MSH4: variants seen among roughly 807,000 people sequenced by gnomAD.
MSH4 encodes mutS homolog 4.
In MSH4, 106 loss-of-function variants were observed where a neutral mutation model predicts 113.7. The observed-to-expected ratio is 0.93, with a 90% CI of 0.80 to 1.10. The LOEUF (loss-of-function observed/expected upper bound fraction) is 1.10. MSH4 is among the 50% of genes least tolerant of loss of function. The probability of loss-of-function intolerance (pLI) is 0.00; values close to 1 mark genes in which losing one functional copy is unlikely to be tolerated. For missense variants in MSH4, 1,061 were observed against 1,093.7 expected, an observed-to-expected ratio of 0.97 and a Z score of 0.42; for synonymous variants, 368 against 380.2, an observed-to-expected ratio of 0.97 and a Z score of 0.37.
chr1:75,912,824 CAAG>C lies in MSH4; in HGVS notation c.2755_2757del (p.Lys919del), dbSNP rs766020971. 3 of 1,583,708 alleles carry C rather than the reference CAAG, an allele frequency of 1.9e-6. No homozygotes were observed. The highest frequency in any genetic ancestry group is 1.8e-5 in the Admixed American group (1 of 55,490). On this transcript the variant is annotated inframe_deletion, in exon 20 of 20. Coordinates refer to ENST00000263187, the MANE Select transcript of MSH4 (RefSeq NM_002440.4). ...GTTTACGAATATATTTAAGTAACCT[CAAG>C]AAGAAGTACAAAGAAGATTTTCCCA...
chr1:75,832,037 A>G (rs1013355894), intron 7 of MSH4, among the ~76,000 whole-genome samples: 9 of 152,212 alleles, frequency 5.9e-5, no homozygotes, highest in Non-Finnish European at 1.2e-4. Flanking sequence ...ATAGACCACT[A>G]GCAAGATTAA....
chr1:75,852,287 G>A (rs1424371391), intron 8 of MSH4, among the ~76,000 whole-genome samples: 1 of 152,082 alleles, frequency 6.6e-6, no homozygotes, highest in African/African-American at 2.4e-5. Flanking sequence ...TTTATCAGTT[G>A]ATGGCTATTT....
chr1:75,822,811 G>GTT (rs146516918), intron 7 of MSH4, among the ~76,000 whole-genome samples: 70 of 149,954 alleles, frequency 4.7e-4, no homozygotes, highest in South Asian at 2.3e-3. Flanking sequence ...ATTTTTTTCT[G>GTT]TTTTTTTTTG....
intron 19 of MSH4, among the ~76,000 whole-genome samples, chr1:75,905,656 C>T (rs1337905230): frequency 6.6e-6 from 1 of 152,004 alleles, no homozygotes; most frequent in East Asian, 1.9e-4. Context: ...GTTGAAGACC[C>T]CTACTAGTAT....
rs753758700 is a variant in MSH4, at chr1:75,803,846, T to C, written c.360T>C (p.Thr120=). 5 of 1,599,856 alleles carry C rather than the reference T, an allele frequency of 3.1e-6. No homozygotes were observed. Among genetic ancestry groups the C allele is most frequent in the Admixed American group, 3.5e-5 (2 of 57,630 alleles). Residue 120 remains threonine (T), a synonymous_variant, in exon 2 of 20, where the codon ACT becomes ACC. Coordinates refer to ENST00000263187, the MANE Select transcript of MSH4 (RefSeq NM_002440.4). ...RDTNYPQTLK[T]PLSTGNPQRS... ...CTAATTATCCTCAAACACTTAAAAC[T>C]CCATTGTCTACTGGAAATCCTCAGA...
chr1:75,799,847 T>A (rs1220690890), intron 1 of MSH4, among the ~76,000 whole-genome samples: 2 of 152,146 alleles, frequency 1.3e-5, no homozygotes, highest in Admixed American at 1.3e-4. Flanking sequence ...AAGCAAATTT[T>A]AGAGGGAAGA....
At chr1:75,851,129 ACAAT>A (rs1409529537) in intron 8 of MSH4, among the ~76,000 whole-genome samples, 4 of 152,138 alleles carry the variant, frequency 2.6e-5, no homozygotes, top group African/African-American at 9.6e-5. Flanking sequence ...CTTTTTGCAT[ACAAT>A]CAGAGAATAC....
intron 16 of MSH4, among the ~76,000 whole-genome samples, chr1:75,890,483 CAT>C (rs1444840505): frequency 6.6e-6 from 1 of 152,006 alleles, no homozygotes; most frequent in Non-Finnish European, 1.5e-5. Flanking sequence ...TATACATATG[CAT>C]ATGTCTATTT....
Position 75,848,190 on chromosome 1 carries a change from A to ATTTG in MSH4, c.1163-7_1163-4dup. 6.5e-6 allele frequency: 10 copies of ATTTG among 1,546,994 alleles called. No homozygotes were observed. Among genetic ancestry groups the ATTTG allele is most frequent in the Non-Finnish European group, 8.9e-6 (10 of 1,125,900 alleles). On this transcript the variant is annotated intron_variant, in intron 7 of 19. Coordinates refer to ENST00000263187, the MANE Select transcript of MSH4 (RefSeq NM_002440.4). ...TGTACCATAAAGTTTAAATACTCAC[A>ATTTG]TTTGTTTGTTTGTTTCAGTTATATC...
At chr1:75,805,167 A>G (rs2100504028) in intron 2 of MSH4, among the ~76,000 whole-genome samples, 1 of 146,568 alleles carries the variant, frequency 6.8e-6, no homozygotes, top group South Asian at 2.2e-4. Context: ...ACCAAGTTCC[A>G]GTGGAAATTC....
intron 15 of MSH4, among the ~76,000 whole-genome samples, chr1:75,886,756 T>C (rs1652130687): frequency 7.1e-6 from 1 of 140,398 alleles, no homozygotes; most frequent in Non-Finnish European, 1.5e-5. Flanking sequence ...ATACATTATA[T>C]ATAAAATATG....
At chr1:75,827,937 T>C (rs1346760830) in intron 7 of MSH4, among the ~76,000 whole-genome samples, 1 of 152,102 alleles carries the variant, frequency 6.6e-6, no homozygotes. Flanking sequence ...GTCCATATTG[T>C]TAAATTTAAT....
intron 6 of MSH4, among the ~76,000 whole-genome samples, chr1:75,818,405 G>T (rs1373935937): frequency 6.6e-6 from 1 of 152,066 alleles, no homozygotes; most frequent in Non-Finnish European, 1.5e-5. Context: ...TTGCTGCTAT[G>T]CTACTTACTT....
At chr1:75,876,183 A>C (rs950901763) in intron 9 of MSH4, among the ~76,000 whole-genome samples, 4 of 152,174 alleles carry the variant, frequency 2.6e-5, no homozygotes, top group Non-Finnish European at 5.9e-5. Flanking sequence ...AGAAATACTC[A>C]ACCTGGATTA....
rs1371271813 is a variant in MSH4, at chr1:75,892,996, G to A, written c.2355+2172G>A. 2.6e-5 allele frequency among the ~76,000 whole-genome samples: 4 copies of A among 152,170 alleles called. No individual in the cohort carries two copies. The East Asian group carries it at 7.7e-4, about 29-fold the overall frequency. On this transcript the variant is annotated intron_variant, in intron 17 of 19. Transcript: ENST00000263187. ...GCAAACAAGCACACCAGGGTTAGCA[G>A]GAACTGTGTTTTCCCTAGCTAGAAA...
At chr1:75,869,626 G>A (rs965011074) in intron 9 of MSH4, among the ~76,000 whole-genome samples, 8 of 152,166 alleles carry the variant, frequency 5.3e-5, no homozygotes, top group African/African-American at 1.9e-4. Context: ...CCAACACACA[G>A]CTCGGGCCAT....
intron 7 of MSH4, among the ~76,000 whole-genome samples, chr1:75,847,572 G>A (rs1001886203): frequency 3.9e-5 from 6 of 152,150 alleles, no homozygotes; most frequent in Non-Finnish European, 7.3e-5. Context: ...ACGAAGAAAC[G>A]AGTTTATTTG....
rs528479750 is a variant in MSH4 at position 75,800,170 on chromosome 1, G to T, written c.244+2941G>T. ...CCAGTTTCCGCATCTCCAGTTTCTG[G>T]CAACCACTCTCTTCCTTAGCTCCCT... On this transcript the variant is annotated intron_variant, in intron 1 of 19. Transcript: ENST00000263187. Among the ~76,000 whole-genome samples, 27 of 152,216 alleles carry T rather than the reference G, an allele frequency of 1.8e-4. No homozygotes were observed. In the South Asian group the frequency reaches 3.7e-3, roughly 21 times the overall value.
At chr1:75,810,974 T>A (rs1451860605) in intron 4 of MSH4, among the ~76,000 whole-genome samples, 167 bp downstream of exon 4, 2 of 151,872 alleles carry the variant, frequency 1.3e-5, no homozygotes, top group African/African-American at 2.4e-5. Flanking sequence ...CGAGTTCGAG[T>A]GATTCTCCTG....
Sources: gnomAD v4.1 joint callset for allele counts (sites outside exome capture counted in the v4.1 genomes callset) on GRCh38, gnomAD v4.1.1 for gene constraint, MANE v1.5 for transcripts, NCBI Gene and HGNC (gene_info 2026-07-23, HGNC 2026-07-21) for gene names.